CBLN2: variants seen among roughly 807,000 people sequenced by gnomAD.
The protein encoded by CBLN2 is cerebellin 2 precursor.
Under a neutral mutation model 15.0 loss-of-function variants are expected in CBLN2, and 7 were observed. The ratio of observed to expected loss-of-function variants is 0.47; its 90% confidence interval spans 0.27 to 0.88. The LOEUF (loss-of-function observed/expected upper bound fraction) is 0.88. CBLN2 is among the 40% of genes least tolerant of loss of function. CBLN2 has a pLI of 0.14. For missense variants in CBLN2, 242 were observed against 304.5 expected (o/e 0.79, Z 1.53); for synonymous variants, 149 against 135.2 (o/e 1.10, Z -0.71).
intron 1 of CBLN2, among the ~76,000 whole-genome samples, chr18:72,569,105 C>T (rs527707133): frequency 5.6e-4 from 85 of 152,258 alleles, no homozygotes; most frequent in African/African-American, 1.9e-3. Context: ...TCTGATACCA[C>T]CGGAGTCGTT....
intron 1 of CBLN2, among the ~76,000 whole-genome samples, chr18:72,609,204 G>C (rs556720214): frequency 1.3e-5 from 2 of 152,048 alleles, no homozygotes; most frequent in Non-Finnish European, 2.9e-5. Flanking sequence ...AAAGGGTTAT[G>C]GGATGAATTA....
chr18:72,598,043 C>A (rs2144938759), intron 1 of CBLN2, among the ~76,000 whole-genome samples: 1 of 152,314 alleles, frequency 6.6e-6, no homozygotes, highest in South Asian at 2.1e-4. Flanking sequence ...ACCACCGTGG[C>A]TGATCTAGTA....
intron 1 of CBLN2, among the ~76,000 whole-genome samples, chr18:72,595,764 G>T (rs2069509437): frequency 6.6e-6 from 1 of 151,850 alleles, no homozygotes; most frequent in Non-Finnish European, 1.5e-5. Context: ...CTCCTTTATT[G>T]TTACATAATG....
intron 1 of CBLN2, among the ~76,000 whole-genome samples, chr18:72,575,578 C>T (rs1433817125): frequency 1.3e-5 from 2 of 152,020 alleles, no homozygotes; most frequent in East Asian, 1.9e-4. Flanking sequence ...TACTAAAAGC[C>T]CTGTGGGAGA....
At chr18:72,606,723 G>A (rs960928155) in intron 1 of CBLN2, among the ~76,000 whole-genome samples, 1 of 152,182 alleles carries the variant, frequency 6.6e-6, no homozygotes, top group Non-Finnish European at 1.5e-5. Flanking sequence ...ATACCAGCTC[G>A]GCCAGGAGTG....
At chr18:72,540,879 G>A (rs750126344) in intron 3 of CBLN2, among the ~76,000 whole-genome samples, 3 of 152,168 alleles carry the variant, frequency 2.0e-5, no homozygotes, top group East Asian at 1.9e-4. Flanking sequence ...GCCCCATTCC[G>A]TGGGAAACAC....
chr18:72,611,590 A>G (rs899960016), intron 1 of CBLN2, among the ~76,000 whole-genome samples: 2 of 151,720 alleles, frequency 1.3e-5, no homozygotes, highest in Non-Finnish European at 2.9e-5. Context: ...TTAATGGGGT[A>G]TTTGTTTTTG....
intron 1 of CBLN2, among the ~76,000 whole-genome samples, chr18:72,612,807 A>G (rs773073072): frequency 6.6e-6 from 1 of 152,092 alleles, no homozygotes; most frequent in Non-Finnish European, 1.5e-5. Context: ...GTGTGTTTGT[A>G]TTTTATTTCT....
intron 1 of CBLN2, among the ~76,000 whole-genome samples, chr18:72,598,083 T>C (rs1182511266): frequency 2.0e-5 from 3 of 152,160 alleles, no homozygotes; most frequent in Non-Finnish European, 4.4e-5. Flanking sequence ...TCCCCTTCAC[T>C]GTTCCTTCTC....
At chr18:72,591,373 A>G (rs2069478643) in intron 1 of CBLN2, among the ~76,000 whole-genome samples, 1 of 152,144 alleles carries the variant, frequency 6.6e-6, no homozygotes, top group Admixed American at 6.5e-5. Context: ...TTATGTAGGT[A>G]TGTGGTAAGT....
At chr18:72,564,832 G>T in intron 1 of CBLN2, among the ~76,000 whole-genome samples, 1 of 148,460 alleles carries the variant, frequency 6.7e-6, no homozygotes, top group African/African-American at 2.4e-5. Context: ...AACCCAAAAA[G>T]ATACTCTCCA....
At chr18:72,630,249 G>A (rs923011186) in intron 1 of CBLN2, among the ~76,000 whole-genome samples, 3 of 152,094 alleles carry the variant, frequency 2.0e-5, no homozygotes, top group African/African-American at 4.8e-5. Context: ...AGGTGGACAG[G>A]AAGCTTAAGT....
chr18:72,580,638 G>A (rs533291660), intron 1 of CBLN2, among the ~76,000 whole-genome samples: 1 of 152,108 alleles, frequency 6.6e-6, no homozygotes, highest in African/African-American at 2.4e-5. Flanking sequence ...TAAACATGAT[G>A]CTTTTGAATT....
intron 1 of CBLN2, among the ~76,000 whole-genome samples, chr18:72,602,151 G>C (rs1162844155): frequency 2.0e-5 from 3 of 152,234 alleles, no homozygotes; most frequent in African/African-American, 4.8e-5. Flanking sequence ...CCCCCCAGAA[G>C]TGGTGCTAGT....
intron 1 of CBLN2, among the ~76,000 whole-genome samples, chr18:72,624,413 G>A (rs1435949601): frequency 6.6e-6 from 1 of 152,110 alleles, no homozygotes; most frequent in Non-Finnish European, 1.5e-5. Context: ...GCCGAGGCGG[G>A]CGGATCACTT....
chr18:72,608,725 G>T (rs1416616388), intron 1 of CBLN2, among the ~76,000 whole-genome samples: 1 of 152,172 alleles, frequency 6.6e-6, no homozygotes, highest in Non-Finnish European at 1.5e-5. Flanking sequence ...TGTTGGGGCT[G>T]AGGGGCAGTA....
At chr18:72,634,822 TC>T (rs1167406553) in intron 1 of CBLN2, among the ~76,000 whole-genome samples, 1 of 152,168 alleles carries the variant, frequency 6.6e-6, no homozygotes. Context: ...AGATAAACAC[TC>T]TTCTTTAACA....
At chr18:72,609,680 T>C (rs186028131) in intron 1 of CBLN2, among the ~76,000 whole-genome samples, 4 of 152,136 alleles carry the variant, frequency 2.6e-5, no homozygotes, top group African/African-American at 9.7e-5. Context: ...AGGTTTCAAT[T>C]TGCCATCCCC....
At chr18:72,563,357 G>C (rs745375467) in intron 1 of CBLN2, among the ~76,000 whole-genome samples, 3 of 152,110 alleles carry the variant, frequency 2.0e-5, no homozygotes, top group Non-Finnish European at 4.4e-5. Context: ...GAGTGGAAAT[G>C]GTTCTGAATG....
Sources: gnomAD v4.1 joint callset for allele counts (sites outside exome capture counted in the v4.1 genomes callset) on GRCh38, gnomAD v4.1.1 for gene constraint, MANE v1.5 for transcripts, NCBI Gene and HGNC (gene_info 2026-07-23, HGNC 2026-07-21) for gene names.